Variants in SDK1 observed in about 807,000 individuals in gnomAD.
SDK1 encodes the protein sidekick cell adhesion molecule 1.
SDK1 carries 157 observed loss-of-function variants against 245.5 expected under a neutral mutation model. The ratio of observed to expected loss-of-function variants is 0.64; its 90% CI spans 0.56 to 0.73. The LOEUF is 0.73. SDK1 is among the 30% of genes least tolerant of loss of function. The probability of loss-of-function intolerance (pLI) is 0.00; values close to 1 mark genes in which losing one functional copy is unlikely to be tolerated. For missense variants in SDK1, 3,583 were observed against 3,002.3 expected (o/e 1.19, Z -4.52); for synonymous variants, 1,647 against 1,278.5 (o/e 1.29, Z -6.15).
intron 41 of SDK1, among the ~76,000 whole-genome samples, chr7:4,237,394 G>C (rs533486792): frequency 6.6e-6 from 1 of 151,998 alleles, no homozygotes; most frequent in African/African-American, 2.4e-5. Context: ...GGACAGAGGA[G>C]CCCTGAGCCT....
intron 1 of SDK1, among the ~76,000 whole-genome samples, chr7:3,488,254 T>C (rs1781762855): frequency 1.3e-5 from 2 of 152,212 alleles, no homozygotes; most frequent in African/African-American, 4.8e-5. Context: ...TAATTATAAA[T>C]CTGGGTTTAT....
intron 1 of SDK1, among the ~76,000 whole-genome samples, chr7:3,452,423 T>C (rs1478300192): frequency 6.6e-6 from 1 of 152,218 alleles, no homozygotes. Context: ...TGCTTTTCAA[T>C]TGTAGAGAGC....
chr7:4,241,818 G>A lies in SDK1; in HGVS notation c.6156G>A (p.Glu2052=), dbSNP rs750857161. The A allele has an allele frequency of 6.8e-6, 11 of 1,614,198 alleles. No individual in the cohort carries two copies. The highest frequency in any genetic ancestry group is 3.3e-5 in the South Asian group (3 of 91,092). ...STGKGISTME[E]SVTLDNGGFA... is the part of the protein sequence containing the mutation. Reference sequence around the variant, plus strand: ...GAAAGGGGATCTCCACCATGGAGGAGTCTGTGACCCTGGACAACGGAGGAT... The same window carrying A: ...GAAAGGGGATCTCCACCATGGAGGAATCTGTGACCCTGGACAACGGAGGAT... Residue 2052 remains glutamate (E), a synonymous_variant, in exon 43 of 45, where the codon GAG becomes GAA. Transcript: ENST00000404826.
intron 1 of SDK1, among the ~76,000 whole-genome samples, chr7:3,491,708 T>A (rs1364272215): frequency 6.6e-6 from 1 of 152,238 alleles, no homozygotes; most frequent in Non-Finnish European, 1.5e-5. Context: ...CTATTGTCTC[T>A]TTGCTCTACT....
intron 35 of SDK1, among the ~76,000 whole-genome samples, chr7:4,193,372 T>A (rs6966923): frequency 4.9e-5 from 5 of 103,088 alleles, no homozygotes; most frequent in African/African-American, 1.2e-4. Flanking sequence ...ATTAAAATAT[T>A]TATATATATA....
chr7:3,676,231 C>T (rs962870150), intron 4 of SDK1, among the ~76,000 whole-genome samples: 1 of 151,920 alleles, frequency 6.6e-6, no homozygotes, highest in African/African-American at 2.4e-5. Flanking sequence ...GTTGCCCAGA[C>T]TGGTCTCAAA....
At chr7:4,046,223 T>C (rs1316430892) in intron 17 of SDK1, among the ~76,000 whole-genome samples, 1 of 152,180 alleles carries the variant, frequency 6.6e-6, no homozygotes, top group Non-Finnish European at 1.5e-5. Flanking sequence ...ATTCCAGCCG[T>C]GAGCCATGAG....
chr7:3,740,238 G>A (rs187594736), intron 4 of SDK1, among the ~76,000 whole-genome samples: 1 of 152,282 alleles, frequency 6.6e-6, no homozygotes, highest in Admixed American at 6.5e-5. Flanking sequence ...CCAGAGGTGA[G>A]ATATTAGAGC....
At position 3,487,754 on chromosome 7, in the gene SDK1, CAAAAAAAAAAAAA is replaced by C. The variant is rs764105126; in HGVS notation, c.299-131316_299-131304del. On this transcript the variant is annotated intron_variant, in intron 1 of 44. Coordinates refer to ENST00000404826, the MANE Select transcript of SDK1 (RefSeq NM_152744.4). ...TGGGCAACAGAGCAAGACCCCATCTCAAAAAAAAAAAAAAAAAAAAAAGAAAAGGAATTACAGT... is the reference window on the plus strand; with the variant it reads ...TGGGCAACAGAGCAAGACCCCATCTCAAAAAAAAAGAAAAGGAATTACAGT... Among the ~76,000 whole-genome samples, 19 of 64,958 alleles carry C rather than the reference CAAAAAAAAAAAAA, an allele frequency of 2.9e-4. No individual in the cohort carries two copies. In the South Asian group the frequency reaches 3.1e-3, roughly 11 times the overall value. 42.6% of individuals were successfully genotyped at this position (64,958 alleles called of 152,430 possible).
chr7:3,747,698 GGTGT>G (rs148784234), intron 4 of SDK1, among the ~76,000 whole-genome samples: 1 of 148,820 alleles, frequency 6.7e-6, no homozygotes, highest in Admixed American at 6.7e-5. Context: ...CTTAGCCTGG[GGTGT>G]GTGTGTGTGT....
Position 3,712,992 on chromosome 7 carries a change from T to C in SDK1, c.713+70887T>C, listed in dbSNP as rs117050456. 8.7e-3 allele frequency among the ~76,000 whole-genome samples: 1,328 copies of C among 152,324 alleles called. 11 individuals are homozygous for C. The highest frequency in any genetic ancestry group is 0.024 in the Middle Eastern group (7 of 294). On this transcript the variant is annotated intron_variant, in intron 4 of 44. Coordinates refer to ENST00000404826, the MANE Select transcript of SDK1 (RefSeq NM_152744.4). The stretch of plus-strand genomic sequence containing the variant: ...CCTGACACCCAGGAATGCTGATTGC[T>C]GTTGGCCACAAGCTTGTCTTAAGGG...
rs941179542 is a variant in SDK1 at position 3,969,302 on chromosome 7, T to C, written c.1592T>C (p.Met531Thr). 7 of 1,611,334 alleles carry C rather than the reference T, an allele frequency of 4.3e-6. No individual in the cohort carries two copies. Among genetic ancestry groups the C allele is most frequent in the Non-Finnish European group, 5.1e-6 (6 of 1,178,846 alleles). ...ASGSVRIPRF[M>T]LLESGGLQIA... ...GGCTCTGTCCGGATTCCTAGGTTCA[T>C]GCTTCTTGAATCGGGGGGTCTACAG... The change falls in exon 11 of 45, where the codon ATG becomes ACG. Residue 531 changes from methionine to threonine, a missense_variant. Coordinates refer to ENST00000404826, the MANE Select transcript of SDK1 (RefSeq NM_152744.4).
intron 17 of SDK1, among the ~76,000 whole-genome samples, chr7:4,027,726 C>T (rs915993569): frequency 1.2e-4 from 18 of 152,138 alleles, no homozygotes; most frequent in African/African-American, 4.3e-4. Context: ...ATATTAATTT[C>T]ATCACATTAT....
intron 5 of SDK1, among the ~76,000 whole-genome samples, chr7:3,911,870 G>A (rs1363034175): frequency 1.3e-5 from 2 of 152,142 alleles, no homozygotes; most frequent in South Asian, 2.1e-4. Flanking sequence ...AGTGCAGGGT[G>A]CAAATATGTG....
chr7:3,631,309 T>G (rs1384860469), intron 2 of SDK1, among the ~76,000 whole-genome samples: 1 of 152,216 alleles, frequency 6.6e-6, no homozygotes, highest in East Asian at 1.9e-4. Context: ...GTCTATTATA[T>G]TTAATTGAGA....
At chr7:3,809,809 A>T (rs1166956568) in intron 4 of SDK1, among the ~76,000 whole-genome samples, 1 of 152,168 alleles carries the variant, frequency 6.6e-6, no homozygotes, top group Non-Finnish European at 1.5e-5. Flanking sequence ...TGCACAAGGG[A>T]AGAAGGAATC....
chr7:3,350,958 CAATT>C (rs1430719147), intron 1 of SDK1, among the ~76,000 whole-genome samples: 1 of 152,282 alleles, frequency 6.6e-6, no homozygotes, highest in African/African-American at 2.4e-5. Context: ...AGGGTAAACA[CAATT>C]AGTGACATCT....
intron 5 of SDK1, among the ~76,000 whole-genome samples, chr7:3,927,792 G>A (rs567728933): frequency 3.9e-5 from 6 of 152,166 alleles, no homozygotes; most frequent in South Asian, 2.1e-4. Context: ...ATACTTCTCC[G>A]CAGGAACCTG....
At chr7:3,668,553 A>T (rs930249054) in intron 4 of SDK1, among the ~76,000 whole-genome samples, 1 of 152,196 alleles carries the variant, frequency 6.6e-6, no homozygotes, top group Non-Finnish European at 1.5e-5. Context: ...AGGCAGGCAG[A>T]TCACATGGTC....
Sources: gnomAD v4.1 joint callset for allele counts (sites outside exome capture counted in the v4.1 genomes callset) on GRCh38, gnomAD v4.1.1 for gene constraint, MANE v1.5 for transcripts, NCBI Gene and HGNC (gene_info 2026-07-23, HGNC 2026-07-21) for gene names.